PCDHA7: variants seen among roughly 807,000 people sequenced by gnomAD.
PCDHA7 encodes protocadherin alpha-7.
In PCDHA7, 37 loss-of-function variants were observed where a neutral mutation model predicts 57.2. The observed-to-expected ratio is 0.65, with a 90% CI of 0.50 to 0.85. PCDHA7 has a LOEUF of 0.85. Among genes scored for constraint, PCDHA7 ranks in the 40% least tolerant of loss-of-function variants. The pLI is 0.00. For missense variants in PCDHA7, 1,188 were observed against 1,241.8 expected, an observed-to-expected ratio of 0.96 and a Z score of 0.65; for synonymous variants, 553 against 558.8, an observed-to-expected ratio of 0.99 and a Z score of 0.15.
chr5:140,934,103 T>C (rs1400037088), intron 1 of PCDHA7, among the ~76,000 whole-genome samples: 1 of 152,148 alleles, frequency 6.6e-6, no homozygotes, highest in Non-Finnish European at 1.5e-5. Context: ...TGCTTTCTAT[T>C]TTATTAATTT....
At chr5:140,841,233 G>A (rs1777106384) in intron 1 of PCDHA7, 2 of 1,469,626 alleles carry the variant, frequency 1.4e-6, no homozygotes, top group Admixed American at 2.3e-5. Flanking sequence ...AACGGGAGAT[G>A]CAGCGGAATT....
intron 1 of PCDHA7, chr5:140,928,158 A>T: frequency 1.2e-6 from 2 of 1,614,066 alleles, no homozygotes; most frequent in Non-Finnish European, 1.7e-6. Flanking sequence ...ATAGTGGCTC[A>T]CCCCCACTTA....
rs782182425 is a variant in PCDHA7 at position 140,876,300 on chromosome 5, A to C, written c.2355+39562A>C. On this transcript the variant is annotated intron_variant, in intron 1 of 3. Coordinates refer to ENST00000525929, the MANE Select transcript of PCDHA7 (RefSeq NM_018910.3). ...ATCCAGACGAAGGACTTAATGGAGA[A>C]ATTTCCTATGGGATCAAAATGATTT... 2.1e-5 allele frequency: 34 copies of C among 1,613,966 alleles called. No individual in the cohort carries two copies. Among genetic ancestry groups the C allele is most frequent in the Non-Finnish European group, 2.9e-5 (34 of 1,179,910 alleles).
chr5:140,982,998 GAAAGAA>G (rs1469608645), intron 3 of PCDHA7, among the ~76,000 whole-genome samples: 10 of 151,726 alleles, frequency 6.6e-5, no homozygotes, highest in Admixed American at 5.2e-4. Context: ...AAGAAGGAAA[GAAAGAA>G]AAAGGAAGGA....
In PCDHA7 at chr5:140,835,868, G is replaced by A. The variant is rs1454077301; in HGVS notation, c.1485G>A (p.Val495=). The part of the protein sequence containing the change: ...QKNALVSYSL[V]ELRVGERALS... ...ACGCGCTGGTGTCCTACTCGCTGGT[G>A]GAGCTGCGGGTGGGCGAGCGCGCGC... is the stretch of plus-strand genomic sequence containing the variant. The change falls in exon 1 of 4, where the codon GTG becomes GTA. Residue 495 remains valine (V), a synonymous_variant. Transcript: ENST00000525929. 1 of 1,612,002 alleles carries A rather than the reference G, an allele frequency of 6.2e-7. No homozygotes were observed. Among genetic ancestry groups the A allele is most frequent in the African/African-American group, 1.3e-5 (1 of 74,888 alleles).
At chr5:140,998,721 C>G (rs987484967) in intron 3 of PCDHA7, among the ~76,000 whole-genome samples, 1 of 152,084 alleles carries the variant, frequency 6.6e-6, no homozygotes, top group Non-Finnish European at 1.5e-5. Context: ...TGCACCACCA[C>G]GCTAGGCTAA....
intron 1 of PCDHA7, among the ~76,000 whole-genome samples, chr5:140,958,131 G>A (rs1164407997): frequency 3.9e-5 from 6 of 152,076 alleles, no homozygotes; most frequent in African/African-American, 1.4e-4. Context: ...AAATGTATCA[G>A]TGTGTATATT....
intron 3 of PCDHA7, among the ~76,000 whole-genome samples, chr5:141,008,894 A>G (rs782674482): frequency 9.9e-5 from 15 of 152,254 alleles, no homozygotes; most frequent in Non-Finnish European, 1.8e-4. Context: ...TGTTATTACA[A>G]TAAAATTAAG....
intron 1 of PCDHA7, chr5:140,883,585 C>G: frequency 6.2e-7 from 1 of 1,614,028 alleles, no homozygotes; most frequent in Non-Finnish European, 8.5e-7. Flanking sequence ...GGGCCACGGC[C>G]AGCGTGTCGG....
chr5:140,857,309 G>C lies in PCDHA7; in HGVS notation c.2355+20571G>C, dbSNP rs1287991839. ...GGACCGCGAGAGGGTGTCGGCCTAT[G>C]AGCTGGTGGTGACCGCGCGGGACGG... On this transcript the variant is annotated intron_variant, in intron 1 of 3. Transcript: ENST00000525929. The C allele has an allele frequency of 3.8e-6, 6 of 1,598,670 alleles. 1 individual carries two copies. In the Admixed American group the frequency reaches 1.0e-4, roughly 27 times the overall value.
intron 1 of PCDHA7, among the ~76,000 whole-genome samples, chr5:140,889,913 T>C (rs1287325026): frequency 6.6e-6 from 1 of 152,172 alleles, no homozygotes; most frequent in Admixed American, 6.5e-5. Context: ...ATTGTCATAC[T>C]GTAAAGAAGC....
At chr5:140,917,657 G>A (rs1382905790) in intron 1 of PCDHA7, among the ~76,000 whole-genome samples, 2 of 152,156 alleles carry the variant, frequency 1.3e-5, no homozygotes, top group Admixed American at 1.3e-4. Context: ...TATTGAGTAG[G>A]AAGTCCTTTC....
intron 1 of PCDHA7, among the ~76,000 whole-genome samples, chr5:140,906,736 AT>A (rs1330405649): frequency 6.6e-6 from 1 of 152,132 alleles, no homozygotes; most frequent in Non-Finnish European, 1.5e-5. Flanking sequence ...GTAGTTTCCC[AT>A]TGACACAGGG....
At chr5:140,919,262 G>A (rs1482345606) in intron 1 of PCDHA7, among the ~76,000 whole-genome samples, 2 of 152,142 alleles carry the variant, frequency 1.3e-5, no homozygotes, top group African/African-American at 4.8e-5. Context: ...TCTGATATTA[G>A]TGTAGTCACT....
intron 1 of PCDHA7, among the ~76,000 whole-genome samples, chr5:140,970,662 C>T (rs575204326): frequency 6.6e-6 from 1 of 152,268 alleles, no homozygotes; most frequent in South Asian, 2.1e-4. Flanking sequence ...TGTTATCTTT[C>T]CAAATAACTA....
chr5:140,852,582 A>AT (rs2150518947), intron 1 of PCDHA7: 69,093 of 668,182 alleles, frequency 0.1, 1,214 homozygotes, highest in Non-Finnish European at 0.11. Flanking sequence ...AGGCTTTTTT[A>AT]TTTTTTTTTT....
chr5:140,988,551 ATCT>A (rs1472655983), intron 3 of PCDHA7, among the ~76,000 whole-genome samples: 4 of 152,158 alleles, frequency 2.6e-5, no homozygotes, highest in South Asian at 2.1e-4. Flanking sequence ...GACTTTCTTC[ATCT>A]TCTTCTTGGG....
At chr5:140,983,807 G>A (rs1158459034) in intron 3 of PCDHA7, among the ~76,000 whole-genome samples, 1 of 152,100 alleles carries the variant, frequency 6.6e-6, no homozygotes, top group African/African-American at 2.4e-5. Context: ...TGTGTAAAAG[G>A]TTTTTTCCCA....
intron 1 of PCDHA7, chr5:140,870,888 A>G: frequency 1.9e-6 from 3 of 1,613,936 alleles, no homozygotes; most frequent in Non-Finnish European, 2.5e-6. Context: ...AGGTGCGCGC[A>G]GTGGATGCGG....
Sources: allele counts gnomAD v4.1 joint callset (sites outside exome capture counted in the v4.1 genomes callset), GRCh38; gene constraint gnomAD v4.1.1; transcripts MANE v1.5; gene names NCBI Gene and HGNC (gene_info 2026-07-23, HGNC 2026-07-21).